The following SPATA13 variants were observed in gnomAD, a reference collection of about 807,000 sequenced individuals.
The protein encoded by SPATA13 is spermatogenesis associated 13, also known as spermatogenesis-associated protein 13.
In SPATA13, 50 loss-of-function variants were observed where a neutral mutation model predicts 104.0. That is an observed-to-expected ratio of 0.48 (90% confidence interval 0.38 to 0.61). SPATA13 has a LOEUF of 0.61. Among genes scored for constraint, SPATA13 ranks in the 20% least tolerant of loss-of-function variants. The probability of loss-of-function intolerance (pLI) is 0.00; values close to 1 mark genes in which losing one functional copy is unlikely to be tolerated. For missense variants in SPATA13, 1,524 were observed against 1,690.6 expected, an observed-to-expected ratio of 0.90 and a Z score of 1.73; for synonymous variants, 606 against 667.5, an observed-to-expected ratio of 0.91 and a Z score of 1.42.
At chr13:24,099,774 T>G (rs1880196470) in intron 3 of SPATA13, among the ~76,000 whole-genome samples, 1 of 152,236 alleles carries the variant, frequency 6.6e-6, no homozygotes, top group African/African-American at 2.4e-5. Context: ...TCACATGGTC[T>G]GGGTTTTTTT....
chr13:24,112,892 T>C (rs1435258749), intron 3 of SPATA13, among the ~76,000 whole-genome samples: 5 of 152,208 alleles, frequency 3.3e-5, no homozygotes, highest in Admixed American at 2.0e-4. Flanking sequence ...AAGGCCTCCT[T>C]TCTATGGTTC....
chr13:24,040,884 C>T (rs1370640849), intron 3 of SPATA13, among the ~76,000 whole-genome samples: 2 of 152,174 alleles, frequency 1.3e-5, no homozygotes, highest in East Asian at 3.8e-4. Flanking sequence ...AGCTTTTGCT[C>T]AGGTTAGAGC....
intron 1 of SPATA13, among the ~76,000 whole-genome samples, chr13:24,209,421 TA>T (rs749540092): frequency 3.3e-5 from 5 of 152,220 alleles, no homozygotes; most frequent in Admixed American, 2.0e-4. Flanking sequence ...TTGCCAAGGT[TA>T]TTTGATGAAA....
At position 24,230,686 on chromosome 13, in the gene SPATA13, A is replaced by G. The variant is rs556190064; in HGVS notation, c.1653+6104A>G. On this transcript the variant is annotated intron_variant, in intron 2 of 12. Coordinates refer to ENST00000382108, the MANE Select transcript of SPATA13 (RefSeq NM_001166271.3). ...GTGTGGACTTAACATGGGGCTTTGT[A>G]TATAAGTTTCTAGCAAAGTGATGCA... 5.3e-5 allele frequency among the ~76,000 whole-genome samples: 8 copies of G among 152,304 alleles called. No individual in the cohort carries two copies. The East Asian group carries it at 7.7e-4, about 15-fold the overall frequency.
rs1403423041 is a variant in SPATA13 at position 24,088,894 on chromosome 13, C to T, written c.-112+71193C>T. On this transcript the variant is annotated intron_variant, in intron 3 of 14. Transcript: ENST00000424834. The surrounding 1 kb of genome is among the most constrained non-coding windows in gnomAD (Gnocchi z 4.3). ...AAGCGCAAGCAAGGGCTCCTGGGTC[C>T]ACTGGTTCCTGTGCAGCAGGCAAAA... 6.6e-6 allele frequency among the ~76,000 whole-genome samples: 1 copy of T among 152,240 alleles called. No homozygotes were observed. The highest frequency in any genetic ancestry group is 1.5e-5 in the Non-Finnish European group (1 of 68,046).
chr13:24,249,495 T>C lies in SPATA13; in HGVS notation c.1672T>C (p.Trp558Arg). The change falls in exon 3 of 13, where the codon TGG becomes CGG. Residue 558 changes from tryptophan to arginine, a missense_variant. This residue lies in a region of SPATA13 where 1,089 missense variants were observed against 1,135.9 expected (regional missense o/e 0.96). Transcript: ENST00000382108. ...TTGAAAGGTCGTCCCTGATGGCCCC[T>C]GGAGGCGAAGCTCATCACAGGATGA... The part of the protein sequence containing the change: ...EKEEVVPDGP[W>R]RRSSSQDEER... The C allele has an allele frequency of 1.3e-6, 2 of 1,576,532 alleles. No individual in the cohort carries two copies. The highest frequency in any genetic ancestry group is 8.6e-7 in the Non-Finnish European group (1 of 1,160,414).
rs547560217 is a variant in SPATA13 at position 24,288,926 on chromosome 13, C to T, written c.2668-73C>T. 7.1e-4 allele frequency: 935 copies of T among 1,314,316 alleles called. 17 individuals are homozygous for T. In the South Asian group the frequency reaches 0.014, roughly 20 times the overall value. 81.4% of individuals were successfully genotyped at this position (1,314,316 alleles called of 1,614,324 possible). A position where few individuals can be genotyped will look rare whatever the true frequency, so the allele number is the denominator to read the frequency against. On this transcript the variant is annotated intron_variant, in intron 7 of 12. Coordinates refer to ENST00000382108, the MANE Select transcript of SPATA13 (RefSeq NM_001166271.3). ...TTCATTCCAAGTTCATGGCTTTAGG[C>T]CTACAAAAGCTGTACTATTCAAATA...
intron 3 of SPATA13, among the ~76,000 whole-genome samples, chr13:24,041,396 CCA>C (rs760845620): frequency 1.1e-3 from 175 of 152,200 alleles, no homozygotes; most frequent in Non-Finnish European, 2.1e-3. Context: ...GTAGCATAAT[CCA>C]TGATGCCTAT....
At chr13:24,299,999 G>A (rs773356412) in intron 11 of SPATA13, among the ~76,000 whole-genome samples, 8 of 152,168 alleles carry the variant, frequency 5.3e-5, no homozygotes, top group South Asian at 4.1e-4. Context: ...AACTGCTAAC[G>A]TGCAAAGCTC....
At chr13:24,224,668 G>T in intron 2 of SPATA13, 86 bp downstream of exon 2, 1 of 1,381,568 alleles carries the variant, frequency 7.2e-7, no homozygotes, top group Non-Finnish European at 9.9e-7. Flanking sequence ...TCCCTAACCT[G>T]TCAAGGTCAG....
intron 1 of SPATA13, among the ~76,000 whole-genome samples, chr13:24,217,754 G>T (rs1264675805): frequency 2.0e-5 from 3 of 152,166 alleles, no homozygotes; most frequent in African/African-American, 7.2e-5. Flanking sequence ...CTTGAGCTGG[G>T]AGTTGGTGCT....
At chr13:24,056,608 G>A (rs1878554108) in intron 3 of SPATA13, among the ~76,000 whole-genome samples, 1 of 152,184 alleles carries the variant, frequency 6.6e-6, no homozygotes, top group Admixed American at 6.5e-5. Flanking sequence ...CCAGCACAGT[G>A]TCTAGCACAT....
chr13:24,085,050 T>G (rs968596070), intron 3 of SPATA13, among the ~76,000 whole-genome samples: 1 of 151,958 alleles, frequency 6.6e-6, no homozygotes, highest in Non-Finnish European at 1.5e-5. Context: ...GGATTCTGGG[T>G]TGGGGAGGCG....
chr13:24,261,796 T>A (rs895241984), intron 4 of SPATA13, among the ~76,000 whole-genome samples: 7 of 151,894 alleles, frequency 4.6e-5, no homozygotes, highest in African/African-American at 1.7e-4. Flanking sequence ...CCGGTTTCAG[T>A]TCAGCAGTTC....
At chr13:24,062,885 C>T (rs1161779700) in intron 3 of SPATA13, among the ~76,000 whole-genome samples, 1 of 152,154 alleles carries the variant, frequency 6.6e-6, no homozygotes, top group East Asian at 1.9e-4. Context: ...CTGTTGCAAA[C>T]TGCATGCTTG....
chr13:24,247,763 G>A (rs553715900), intron 2 of SPATA13, among the ~76,000 whole-genome samples: 55 of 152,200 alleles, frequency 3.6e-4, no homozygotes, highest in Middle Eastern at 3.4e-3. Flanking sequence ...GATTACGGAC[G>A]TGAGCCACCC....
chr13:24,019,712 T>TA (rs548034272), intron 3 of SPATA13, among the ~76,000 whole-genome samples: 20 of 149,472 alleles, frequency 1.3e-4, no homozygotes, highest in East Asian at 3.9e-4. Context: ...ATAGGACTGC[T>TA]AAAAAAAAAA....
chr13:24,149,558 C>G (rs115354534), intron 3 of SPATA13, among the ~76,000 whole-genome samples: 3,709 of 152,290 alleles, frequency 0.024, 78 homozygotes, highest in African/African-American at 0.054. Flanking sequence ...TCTGCTGCCA[C>G]TTTTTCAGGA....
chr13:24,038,143 G>C (rs943418260), intron 3 of SPATA13, among the ~76,000 whole-genome samples: 1 of 152,068 alleles, frequency 6.6e-6, no homozygotes. Context: ...TCGATCTCCT[G>C]ACCTCGTGAT....
Sources: allele counts gnomAD v4.1 joint callset (sites outside exome capture counted in the v4.1 genomes callset), GRCh38; gene constraint gnomAD v4.1.1; regional missense constraint gnomAD v4.1.1; non-coding constraint Gnocchi (gnomAD v3.1); transcripts MANE v1.5; gene names NCBI Gene and HGNC (gene_info 2026-07-23, HGNC 2026-07-21).